SEMA3A: variants seen among roughly 807,000 people sequenced by gnomAD.
The protein encoded by SEMA3A is semaphorin-3A.
Under a neutral mutation model 97.9 loss-of-function variants are expected in SEMA3A, and 29 were observed. The observed-to-expected ratio is 0.30, with a 90% CI of 0.22 to 0.40. The LOEUF is 0.40. Ranked by LOEUF, SEMA3A falls within the 10% of genes least tolerant of loss-of-function variation. The pLI is 1.00. For synonymous variants in SEMA3A, 321 were observed against 323.7 expected (o/e 0.99, Z 0.09); for missense variants, 763 against 951.3 (o/e 0.80, Z 2.60).
chr7:84,321,872 G>GAAA (rs1156548285), intron 2 of SEMA3A, among the ~76,000 whole-genome samples: 44 of 11,972 alleles, frequency 3.7e-3, no homozygotes, highest in Non-Finnish European at 5.7e-3. Flanking sequence ...CGAGACTACG[G>GAAA]AAAAAAAAAA....
intron 3 of SEMA3A, among the ~76,000 whole-genome samples, chr7:84,282,831 T>A (rs1800477510): frequency 2.6e-5 from 4 of 151,936 alleles, no homozygotes; most frequent in Admixed American, 1.3e-4. Context: ...GTGGCCAACA[T>A]TGTGAAATCC....
chr7:84,048,081 A>G (rs1792430183), intron 5 of SEMA3A, among the ~76,000 whole-genome samples: 1 of 151,968 alleles, frequency 6.6e-6, no homozygotes, highest in South Asian at 2.1e-4. Context: ...TTCATTTTGG[A>G]TTGTTGTGAT....
chr7:84,341,386 G>A (rs1028744900), intron 2 of SEMA3A, among the ~76,000 whole-genome samples: 1 of 151,848 alleles, frequency 6.6e-6, no homozygotes, highest in East Asian at 1.9e-4. Context: ...GTAAGATTAG[G>A]TTTTCCACCT....
chr7:84,485,296 A>T (rs1384818739), intron 1 of SEMA3A, among the ~76,000 whole-genome samples: 1 of 151,898 alleles, frequency 6.6e-6, no homozygotes, highest in African/African-American at 2.4e-5. Flanking sequence ...TTATTTAAGA[A>T]GTGAAAAAAT....
At chr7:84,460,335 T>G (rs1805796599) in intron 1 of SEMA3A, among the ~76,000 whole-genome samples, 1 of 152,102 alleles carries the variant, frequency 6.6e-6, no homozygotes, top group African/African-American at 2.4e-5. Flanking sequence ...GTGTCAGGAC[T>G]TATGTTTTTG....
chr7:84,066,344 C>T (rs1178883264), intron 4 of SEMA3A, among the ~76,000 whole-genome samples: 1 of 151,566 alleles, frequency 6.6e-6, no homozygotes, highest in African/African-American at 2.4e-5. Flanking sequence ...GGAAGCATTC[C>T]CTTTGAAGAC....
intron 3 of SEMA3A, among the ~76,000 whole-genome samples, chr7:84,287,752 A>T (rs1193859395): frequency 1.3e-5 from 2 of 152,208 alleles, no homozygotes; most frequent in South Asian, 2.1e-4. Context: ...CACGCCAAGC[A>T]CTCAAATGCT....
intron 1 of SEMA3A, among the ~76,000 whole-genome samples, chr7:84,377,709 T>C (rs1373842228): frequency 4.6e-5 from 7 of 152,140 alleles, no homozygotes; most frequent in Admixed American, 4.6e-4. Context: ...TACAGTTTGA[T>C]AGATAATAAG....
chr7:83,981,511 T>C lies in SEMA3A; in HGVS notation c.1495-33A>G, dbSNP rs1473810862. 4 of 1,511,782 alleles carry C rather than the reference T, an allele frequency of 2.6e-6. No homozygotes were observed. The East Asian group carries it at 9.4e-5, about 36-fold the overall frequency. The allele number at this position is 1,511,782 out of a possible 1,614,324, so 93.6% of individuals were successfully genotyped here. Reference sequence around the variant, plus strand: ...AAGAGTTTACTGCTGTGACAAAAACTATCTTGTCTTTTAAATCTCTTGTTC... The same window carrying C: ...AAGAGTTTACTGCTGTGACAAAAACCATCTTGTCTTTTAAATCTCTTGTTC... On this transcript the variant is annotated intron_variant, in intron 13 of 16. Transcript: ENST00000265362.
intron 3 of SEMA3A, among the ~76,000 whole-genome samples, chr7:84,119,888 A>T (rs1327095230): frequency 2.0e-5 from 3 of 152,130 alleles, no homozygotes; most frequent in African/African-American, 7.2e-5. Flanking sequence ...ACTGTACTCT[A>T]AAAGTATGTA....
chr7:84,129,058 T>C, intron 3 of SEMA3A, 65 bp downstream of exon 3: 1 of 1,268,474 alleles, frequency 7.9e-7, no homozygotes, highest in Non-Finnish European at 1.2e-6. Context: ...TGAAACACTT[T>C]TGTCCCAAGC....
At chr7:84,479,968 C>T (rs1249322583) in intron 1 of SEMA3A, among the ~76,000 whole-genome samples, 4 of 152,084 alleles carry the variant, frequency 2.6e-5, no homozygotes, top group Non-Finnish European at 4.4e-5. Flanking sequence ...CTTTCTTAAG[C>T]GAGGCAAACC....
At chr7:84,303,753 T>C (rs939780018) in intron 3 of SEMA3A, among the ~76,000 whole-genome samples, 2 of 152,154 alleles carry the variant, frequency 1.3e-5, no homozygotes, top group Non-Finnish European at 2.9e-5. Flanking sequence ...AACATTGTAT[T>C]ATAAAATAGC....
At chr7:84,391,988 T>C (rs1803592363) in intron 1 of SEMA3A, among the ~76,000 whole-genome samples, 1 of 151,862 alleles carries the variant, frequency 6.6e-6, no homozygotes, top group South Asian at 2.1e-4. Flanking sequence ...TGAAAAATTT[T>C]AGTTTTATAT....
At chr7:84,341,731 G>T (rs1186994706) in intron 2 of SEMA3A, among the ~76,000 whole-genome samples, 1 of 151,966 alleles carries the variant, frequency 6.6e-6, no homozygotes, top group Non-Finnish European at 1.5e-5. Context: ...TTGTCCTTTA[G>T]TGTAGTCTCC....
intron 3 of SEMA3A, among the ~76,000 whole-genome samples, chr7:84,250,076 T>C (rs1224135965): frequency 6.6e-6 from 1 of 151,978 alleles, no homozygotes; most frequent in Admixed American, 6.6e-5. Flanking sequence ...AGACATCATA[T>C]TGCAAAGAGA....
At chr7:84,129,264 C>T in intron 2 of SEMA3A, 79 bp from the exon 3 acceptor site, 1 of 1,166,450 alleles carries the variant, frequency 8.6e-7, no homozygotes, top group South Asian at 1.3e-5. Context: ...TTTTAGATGA[C>T]ATTGGGGCAA....
At chr7:84,136,960 A>AGAAGGAAGGAAG (rs201748268) in intron 1 of SEMA3A, among the ~76,000 whole-genome samples, 4,415 of 141,078 alleles carry the variant, frequency 0.031, 188 homozygotes, top group African/African-American at 0.099. Flanking sequence ...GAGGGAGGGA[A>AGAAGGAAGGAAG]GAAGGAAGGA....
At chr7:84,430,986 C>T (rs111265532) in intron 1 of SEMA3A, among the ~76,000 whole-genome samples, 5 of 151,986 alleles carry the variant, frequency 3.3e-5, no homozygotes, top group South Asian at 2.1e-4. Context: ...TCCATGTACA[C>T]TCAGATATAA....
Sources: gnomAD v4.1 joint callset for allele counts (sites outside exome capture counted in the v4.1 genomes callset) on GRCh38, gnomAD v4.1.1 for gene constraint, MANE v1.5 for transcripts, NCBI Gene and HGNC (gene_info 2026-07-23, HGNC 2026-07-21) for gene names.